TRUB1: variants seen among roughly 807,000 people sequenced by gnomAD.
TRUB1 encodes pseudouridylate synthase TRUB1.
A neutral mutation model predicts 33.9 loss-of-function variants in TRUB1; 23 were observed. The observed-to-expected ratio is 0.68, with a 90% CI of 0.49 to 0.96. TRUB1 has a LOEUF of 0.96. Among genes scored for constraint, TRUB1 ranks in the 40% least tolerant of loss-of-function variants. The pLI is 0.00. For missense variants in TRUB1, 378 were observed against 422.2 expected, an observed-to-expected ratio of 0.90 and a Z score of 0.92; for synonymous variants, 163 against 165.4, an observed-to-expected ratio of 0.99 and a Z score of 0.11.
intron 2 of TRUB1, among the ~76,000 whole-genome samples, chr10:114,949,503 G>A (rs1252944389): frequency 6.6e-6 from 1 of 152,146 alleles, no homozygotes; most frequent in Non-Finnish European, 1.5e-5. Context: ...GAATGAGTTG[G>A]GGCTTGAGCT....
chr10:114,956,755 G>T (rs1240561927), intron 3 of TRUB1, among the ~76,000 whole-genome samples: 1 of 152,128 alleles, frequency 6.6e-6, no homozygotes, highest in Non-Finnish European at 1.5e-5. Flanking sequence ...TCATTGCTCT[G>T]ATGGCTAATG....
chr10:114,968,838 G>A (rs1014009896), intron 4 of TRUB1, among the ~76,000 whole-genome samples: 1 of 152,088 alleles, frequency 6.6e-6, no homozygotes, highest in Non-Finnish European at 1.5e-5. Flanking sequence ...GGTATTGGAA[G>A]AATAATTCAA....
chr10:114,962,246 G>T (rs2084287720), intron 4 of TRUB1, among the ~76,000 whole-genome samples: 1 of 152,130 alleles, frequency 6.6e-6, no homozygotes, highest in African/African-American at 2.4e-5. Flanking sequence ...AGTAGAGGCA[G>T]GGTTTCACTT....
chr10:114,969,915 A>C (rs1592054356), intron 4 of TRUB1, among the ~76,000 whole-genome samples: 1 of 152,308 alleles, frequency 6.6e-6, no homozygotes, highest in East Asian at 1.9e-4. Flanking sequence ...AATACTTGTT[A>C]AGTGCCACAT....
At chr10:114,973,711 A>G (rs942666621) in intron 6 of TRUB1, among the ~76,000 whole-genome samples, 2 of 152,230 alleles carry the variant, frequency 1.3e-5, no homozygotes, top group Non-Finnish European at 2.9e-5. Flanking sequence ...ATTTACATTC[A>G]GTTCTGGGAC....
At chr10:114,944,309 T>C (rs1564697219) in intron 2 of TRUB1, among the ~76,000 whole-genome samples, 1 of 152,120 alleles carries the variant, frequency 6.6e-6, no homozygotes. Context: ...CCAAAGTAAA[T>C]GAGCGCTTAT....
chr10:114,952,876 A>G (rs1009103009), intron 3 of TRUB1, among the ~76,000 whole-genome samples: 1 of 152,176 alleles, frequency 6.6e-6, no homozygotes, highest in African/African-American at 2.4e-5. Flanking sequence ...CCAAAGATGA[A>G]CAATGTTTAC....
chr10:114,942,286 A>G (rs1001069800), intron 1 of TRUB1, among the ~76,000 whole-genome samples: 22 of 152,112 alleles, frequency 1.4e-4, no homozygotes, highest in Admixed American at 6.5e-4. Flanking sequence ...TTCTATATAA[A>G]AATTAACTTC....
At chr10:114,963,176 C>G (rs143495492) in intron 4 of TRUB1, among the ~76,000 whole-genome samples, 7 of 152,318 alleles carry the variant, frequency 4.6e-5, no homozygotes, top group Non-Finnish European at 8.8e-5. Flanking sequence ...AAAGTGGAAT[C>G]TCATGCTAAT....
intron 1 of TRUB1, among the ~76,000 whole-genome samples, 190 bp downstream of exon 1, chr10:114,938,729 T>C (rs1201571144): frequency 6.6e-6 from 1 of 152,202 alleles, no homozygotes; most frequent in African/African-American, 2.4e-5. Flanking sequence ...TCTTGTAGCC[T>C]ACTTGGCAGT....
chr10:114,957,344 C>T (rs1022247475), intron 3 of TRUB1, among the ~76,000 whole-genome samples: 5 of 152,210 alleles, frequency 3.3e-5, no homozygotes, highest in African/African-American at 1.2e-4. Flanking sequence ...ATCCAGTCCT[C>T]TCTGCAGTAG....
chr10:114,954,934 G>C (rs1413129139), intron 3 of TRUB1, among the ~76,000 whole-genome samples: 1 of 150,898 alleles, frequency 6.6e-6, no homozygotes, highest in Non-Finnish European at 1.5e-5. Context: ...GGCTATCTGT[G>C]ATTGCTGGTG....
At chr10:114,950,323 C>T (rs1034177658) in intron 2 of TRUB1, among the ~76,000 whole-genome samples, 2 of 152,132 alleles carry the variant, frequency 1.3e-5, no homozygotes, top group Non-Finnish European at 2.9e-5. Flanking sequence ...TCTAGTTTGC[C>T]AATCAGTAGT....
chr10:114,972,723 C>T (rs2084343093), intron 6 of TRUB1, among the ~76,000 whole-genome samples: 1 of 151,914 alleles, frequency 6.6e-6, no homozygotes, highest in Non-Finnish European at 1.5e-5. Context: ...GACAAGAAAC[C>T]CCTCACTCCC....
intron 4 of TRUB1, 197 bp downstream of exon 4, chr10:114,960,004 T>C (rs1422590864): frequency 1.9e-6 from 1 of 522,234 alleles, no homozygotes; most frequent in African/African-American, 2.0e-5. Flanking sequence ...TTTATTGTGA[T>C]TGCCTCTTTT....
At chr10:114,941,930 A>G (rs1333865663) in intron 1 of TRUB1, among the ~76,000 whole-genome samples, 2 of 151,814 alleles carry the variant, frequency 1.3e-5, no homozygotes, top group Non-Finnish European at 2.9e-5. Flanking sequence ...GACTACAGGC[A>G]CCCGCCACCA....
chr10:114,962,446 G>GAGGAATA (rs2084288360), intron 4 of TRUB1, among the ~76,000 whole-genome samples: 1 of 152,226 alleles, frequency 6.6e-6, no homozygotes, highest in Non-Finnish European at 1.5e-5. Flanking sequence ...CTAGCTTTCA[G>GAGGAATA]CTGTCTGAAA....
Position 114,975,353 on chromosome 10 carries a change from G to A in TRUB1, c.1024G>A (p.Glu342Lys). The A allele has an allele frequency of 6.3e-7, 1 of 1,591,372 alleles. No homozygotes were observed. The highest frequency in any genetic ancestry group is 8.6e-7 in the Non-Finnish European group (1 of 1,167,542). Residue 342 changes from glutamate to lysine, a missense_variant, in exon 8 of 8, where the codon GAA (glutamate) becomes AAA (lysine). Transcript: ENST00000298746. ...EYITLNEPKR[E>K]DDVIKTC is the part of the protein sequence containing the mutation. Reference sequence around the variant, plus strand: ...TATAACTCTAAATGAGCCAAAGAGAGAAGATGATGTAATTAAGACGTGTTG... The same window carrying A: ...TATAACTCTAAATGAGCCAAAGAGAAAAGATGATGTAATTAAGACGTGTTG...
intron 1 of TRUB1, among the ~76,000 whole-genome samples, chr10:114,939,878 G>A (rs1253395584): frequency 7.2e-6 from 1 of 138,260 alleles, no homozygotes; most frequent in African/African-American, 2.8e-5. Context: ...TTTCAGACAA[G>A]TTTCTGACAA....
Sources: allele counts gnomAD v4.1 joint callset (sites outside exome capture counted in the v4.1 genomes callset), GRCh38; gene constraint gnomAD v4.1.1; transcripts MANE v1.5; gene names NCBI Gene and HGNC (gene_info 2026-07-23, HGNC 2026-07-21).